The following RARB variants were observed in gnomAD, a reference collection of about 807,000 sequenced individuals.
RARB encodes retinoic acid receptor beta.
A neutral mutation model predicts 51.9 loss-of-function variants in RARB; 17 were observed. The ratio of observed to expected loss-of-function variants is 0.33; its 90% CI spans 0.22 to 0.49. The LOEUF (loss-of-function observed/expected upper bound fraction) is 0.49, where lower values mean the gene tolerates loss of function less well. Ranked by LOEUF, RARB falls within the 20% of genes least tolerant of loss-of-function variation. RARB has a pLI of 0.99. For missense variants in RARB, 369 were observed against 550.8 expected (o/e 0.67, Z 3.30); for synonymous variants, 215 against 195.4 (o/e 1.10, Z -0.84).
intron 4 of RARB, among the ~76,000 whole-genome samples, chr3:25,574,591 T>C (rs1271177411): frequency 6.6e-6 from 1 of 152,224 alleles, no homozygotes; most frequent in African/African-American, 2.4e-5. Context: ...CCCACTGCTC[T>C]GCCGTGTGCG....
intron 3 of RARB, among the ~76,000 whole-genome samples, chr3:25,066,992 TAA>T (rs948221923): frequency 2.0e-5 from 3 of 152,178 alleles, no homozygotes; most frequent in Non-Finnish European, 4.4e-5. Flanking sequence ...AGCAGTTAAG[TAA>T]ACAGTGAACT....
chr3:25,346,399 A>G (rs1705394602), intron 5 of RARB, among the ~76,000 whole-genome samples: 1 of 152,198 alleles, frequency 6.6e-6, no homozygotes, highest in African/African-American at 2.4e-5. Context: ...TCAGGAAGGA[A>G]CTACAGTCCA....
intron 5 of RARB, among the ~76,000 whole-genome samples, chr3:25,253,968 C>T (rs1173645707): frequency 3.3e-5 from 5 of 152,114 alleles, no homozygotes; most frequent in Non-Finnish European, 5.9e-5. Context: ...AAAAGGATAT[C>T]ATTGTAGTTC....
At chr3:25,204,225 A>G (rs151284580) in intron 5 of RARB, among the ~76,000 whole-genome samples, 113 of 152,318 alleles carry the variant, frequency 7.4e-4, no homozygotes, top group African/African-American at 2.6e-3. Flanking sequence ...CGAATCAGCT[A>G]CTGAAGCTTG....
intron 5 of RARB, among the ~76,000 whole-genome samples, chr3:25,366,725 C>T (rs1179543226): frequency 6.6e-6 from 1 of 152,182 alleles, no homozygotes; most frequent in African/African-American, 2.4e-5. Flanking sequence ...CCTACATGTT[C>T]TGGGTCTCTG....
At chr3:25,174,447 T>C (rs765078939) in exon 5 of RARB, 5 of 1,352,010 alleles carry the variant, frequency 3.7e-6, no homozygotes, top group Admixed American at 1.9e-5. Flanking sequence ...AACGGACACA[T>C]GACTCACTAT....
chr3:24,902,027 A>G (rs572513676), intron 2 of RARB, among the ~76,000 whole-genome samples: 1 of 151,620 alleles, frequency 6.6e-6, no homozygotes, highest in Non-Finnish European at 1.5e-5. Flanking sequence ...CATATATAAC[A>G]TATATGAAAA....
intron 3 of RARB, among the ~76,000 whole-genome samples, chr3:25,121,619 G>A (rs1010542237): frequency 9.9e-5 from 15 of 152,142 alleles, no homozygotes; most frequent in African/African-American, 3.6e-4. Flanking sequence ...CTTCCTAAGG[G>A]TAGTTTGCAA....
At chr3:24,951,424 G>A (rs1042574493) in intron 2 of RARB, among the ~76,000 whole-genome samples, 2 of 152,148 alleles carry the variant, frequency 1.3e-5, no homozygotes, top group African/African-American at 4.8e-5. Context: ...TTAGGGCATC[G>A]GACACTCCAG....
At chr3:24,987,941 C>A (rs1466934258) in intron 2 of RARB, among the ~76,000 whole-genome samples, 2 of 144,910 alleles carry the variant, frequency 1.4e-5, no homozygotes, top group Non-Finnish European at 3.0e-5. Context: ...CTTCTTTCAA[C>A]ATCAATTTTA....
intron 2 of RARB, among the ~76,000 whole-genome samples, chr3:24,961,536 A>G (rs1304458319): frequency 6.6e-6 from 1 of 152,086 alleles, no homozygotes; most frequent in Non-Finnish European, 1.5e-5. Context: ...AATAATGGTA[A>G]TAACTCTTTA....
intron 5 of RARB, among the ~76,000 whole-genome samples, chr3:25,419,852 G>A (rs1404716954): frequency 6.6e-6 from 1 of 151,958 alleles, no homozygotes; most frequent in Non-Finnish European, 1.5e-5. Context: ...TGAAACTGTT[G>A]CCTTCTGAAT....
chr3:24,998,277 G>GTTT (rs71622792), intron 2 of RARB, among the ~76,000 whole-genome samples: 3 of 140,496 alleles, frequency 2.1e-5, no homozygotes, highest in Non-Finnish European at 1.5e-5. Flanking sequence ...CTTGTAGTTT[G>GTTT]TTTTTTTTTT....
At chr3:25,271,322 C>T (rs1416000738) in intron 5 of RARB, among the ~76,000 whole-genome samples, 1 of 152,044 alleles carries the variant, frequency 6.6e-6, no homozygotes, top group Non-Finnish European at 1.5e-5. Context: ...GTGTGCTAAC[C>T]AAAAATAACT....
chr3:25,235,479 T>C (rs1172861531), intron 5 of RARB, among the ~76,000 whole-genome samples: 1 of 152,124 alleles, frequency 6.6e-6, no homozygotes, highest in Admixed American at 6.6e-5. Context: ...AGATCAGAGG[T>C]ATTTTCAGAG....
intron 2 of RARB, among the ~76,000 whole-genome samples, chr3:24,926,088 CTCTG>C (rs1695314139): frequency 6.6e-6 from 1 of 152,064 alleles, no homozygotes; most frequent in Non-Finnish European, 1.5e-5. Flanking sequence ...AAAATATGGT[CTCTG>C]TCATATTTTT....
chr3:25,518,806 C>A (rs1698284386), intron 3 of RARB, among the ~76,000 whole-genome samples: 1 of 152,062 alleles, frequency 6.6e-6, no homozygotes. Flanking sequence ...GTATAACTTA[C>A]ATATCTTAAT....
intron 2 of RARB, among the ~76,000 whole-genome samples, chr3:24,897,173 G>A (rs1188238616): frequency 6.6e-6 from 1 of 152,200 alleles, no homozygotes; most frequent in Non-Finnish European, 1.5e-5. Flanking sequence ...TTGCCATTTT[G>A]GGTAGTTGGC....
intron 5 of RARB, among the ~76,000 whole-genome samples, chr3:25,297,943 A>G (rs904975988): frequency 6.6e-6 from 1 of 152,298 alleles, no homozygotes; most frequent in South Asian, 2.1e-4. Context: ...GTGTATACAT[A>G]TGAGAAACAT....
Sources: allele counts gnomAD v4.1 joint callset (sites outside exome capture counted in the v4.1 genomes callset), GRCh38; gene constraint gnomAD v4.1.1; transcripts MANE v1.5; gene names NCBI Gene and HGNC (gene_info 2026-07-23, HGNC 2026-07-21).